The following SLC30A10 variants were observed in gnomAD, a reference collection of about 807,000 sequenced individuals.
SLC30A10 encodes calcium/manganese antiporter SLC30A10.
A neutral mutation model predicts 21.7 loss-of-function variants in SLC30A10; 8 were observed. The ratio of observed to expected loss-of-function variants is 0.37; its 90% confidence interval spans 0.22 to 0.67. The LOEUF (loss-of-function observed/expected upper bound fraction) is 0.67. SLC30A10 is among the 30% of genes least tolerant of loss of function. The pLI, the probability that SLC30A10 is intolerant of heterozygous loss-of-function variation, is 0.58. For missense variants in SLC30A10, 521 were observed against 642.5 expected, an observed-to-expected ratio of 0.81 and a Z score of 2.04; for synonymous variants, 272 against 279.4, an observed-to-expected ratio of 0.97 and a Z score of 0.26.
chr1:219,933,365 A>C (rs1659997278), upstream of SLC30A10, among the ~76,000 whole-genome samples: 1 of 152,222 alleles, frequency 6.6e-6, no homozygotes, highest in African/African-American at 2.4e-5. Context: ...CCAGACTCTA[A>C]ATAATTTTAA....
rs1489976246 is a variant in SLC30A10 at position 219,911,087 on chromosome 1, G to A, written c.*4362C>T. 5.7e-5 allele frequency among the ~76,000 whole-genome samples: 8 copies of A among 141,456 alleles called. No homozygotes were observed. Among genetic ancestry groups the A allele is most frequent in the African/African-American group, 1.6e-4 (6 of 37,962 alleles). 92.8% of individuals were successfully genotyped at this position (141,456 alleles called of 152,430 possible). A position where few individuals can be genotyped will look rare whatever the true frequency, so the allele number is the denominator to read the frequency against. ...CTTCTATAGAGCAGGCATGCAGTCCGCGATCATTCATCCAAACTCAAAATT... is the reference window on the plus strand; with the variant it reads ...CTTCTATAGAGCAGGCATGCAGTCCACGATCATTCATCCAAACTCAAAATT... On this transcript the variant is annotated 3_prime_UTR_variant, in exon 4 of 4. Coordinates refer to ENST00000366926, the MANE Select transcript of SLC30A10 (RefSeq NM_018713.3).
At chr1:219,929,954 T>C (rs1659941744), upstream of SLC30A10, among the ~76,000 whole-genome samples, 5 of 152,122 alleles carry the variant, frequency 3.3e-5, no homozygotes, top group Admixed American at 3.3e-4. Flanking sequence ...CTTCCTGCTG[T>C]GGAGGTTTGA....
At chr1:219,923,950 C>T (rs947556127) in intron 2 of SLC30A10, among the ~76,000 whole-genome samples, 1 of 152,194 alleles carries the variant, frequency 6.6e-6, no homozygotes, top group Admixed American at 6.5e-5. Flanking sequence ...GTAATCCCAG[C>T]TACTCTGTAG....
At chr1:219,938,025 T>G (rs1305684019) in intron 1 of SLC30A10, among the ~76,000 whole-genome samples, 1 of 152,212 alleles carries the variant, frequency 6.6e-6, no homozygotes, top group Non-Finnish European at 1.5e-5. Context: ...ATTATTATTT[T>G]TCTTCAATGT....
intron 2 of SLC30A10, among the ~76,000 whole-genome samples, chr1:219,919,813 G>C (rs932622170): frequency 1.3e-5 from 2 of 150,584 alleles, no homozygotes; most frequent in African/African-American, 4.9e-5. Context: ...TGATTGGAAT[G>C]CACATACAAG....
chr1:219,927,217 G>T, intron 1 of SLC30A10, 112 bp from the exon 2 acceptor site: 1 of 1,111,254 alleles, frequency 9.0e-7, no homozygotes, highest in Non-Finnish European at 1.3e-6. Context: ...TAGCTTAAGG[G>T]AGACCCTTCT....
intron 2 of SLC30A10, among the ~76,000 whole-genome samples, chr1:219,921,144 T>C (rs1659667503): frequency 1.3e-5 from 2 of 152,252 alleles, no homozygotes; most frequent in South Asian, 4.1e-4. Context: ...CCTGCTAAAT[T>C]TCTTTGTCTT....
At chr1:219,942,163 TG>T (rs1660131714) in intron 1 of SLC30A10, among the ~76,000 whole-genome samples, 1 of 152,124 alleles carries the variant, frequency 6.6e-6, no homozygotes, top group African/African-American at 2.4e-5. Flanking sequence ...TCAGAAAGTG[TG>T]GCAGAAAATA....
At chr1:219,933,060 TAA>T (rs66703618), upstream of SLC30A10, among the ~76,000 whole-genome samples, 65 of 142,498 alleles carry the variant, frequency 4.6e-4, no homozygotes, top group Non-Finnish European at 5.0e-4. Flanking sequence ...AAACTCCGTC[TAA>T]AAAAAAAAAA....
At position 219,928,161 on chromosome 1, in the gene SLC30A10, A is replaced by G. The variant is rs931668147; in HGVS notation, c.280T>C (p.Phe94Leu). ...SNAVFLTALC[F>L]TIFVEAVLRL... ...AGCACGGCCTCCACGAAGATGGTGA[A>G]GCAGAGCGCGGTGAGGAAGACCGCG... The change falls in exon 1 of 4, where the codon TTC (phenylalanine) becomes CTC (leucine). Residue 94 changes from phenylalanine (F) to leucine (L), a missense_variant. By Grantham distance (22) the Phe-to-Leu change is conservative. Transcript: ENST00000366926. This position sits in a 1 kb window ranked among gnomAD's most constrained non-coding sequence, Gnocchi z 6.3. The G allele has an allele frequency of 2.6e-6, 4 of 1,560,598 alleles. No homozygotes were observed. In the Admixed American group the frequency reaches 7.7e-5, roughly 30 times the overall value.
chr1:219,918,667 C>G lies in SLC30A10; in HGVS notation c.719-173G>C. On this transcript the variant is annotated intron_variant, in intron 2 of 3. Transcript: ENST00000366926. This position sits in a 1 kb window ranked among gnomAD's most constrained non-coding sequence, Gnocchi z 4.4. Reference sequence around the variant, plus strand: ...ATAATGGCAACTACTTCTTAGGAAACAAAACCCCAGGCCACCATCGCAGGA... The same window carrying G: ...ATAATGGCAACTACTTCTTAGGAAAGAAAACCCCAGGCCACCATCGCAGGA... The G allele has an allele frequency of 1.4e-6, 1 of 705,730 alleles. No homozygotes were observed. Among genetic ancestry groups the G allele is most frequent in the Non-Finnish European group, 2.2e-6 (1 of 462,110 alleles). The allele number at this position is 705,730 out of a possible 1,614,324, so 43.7% of individuals were successfully genotyped here. A position where few individuals can be genotyped will look rare whatever the true frequency, so the allele number is the denominator to read the frequency against.
intron 2 of SLC30A10, among the ~76,000 whole-genome samples, chr1:219,923,978 G>A (rs570703399): frequency 3.6e-4 from 55 of 152,264 alleles, no homozygotes; most frequent in African/African-American, 1.2e-3. Flanking sequence ...CAGGAGAATC[G>A]CTTGAGCCTG....
chr1:219,929,093 G>A (rs150314683), upstream of SLC30A10, among the ~76,000 whole-genome samples: 12 of 152,184 alleles, frequency 7.9e-5, no homozygotes, highest in Non-Finnish European at 1.8e-4. Context: ...GACCTCATCC[G>A]CCACTCAGCC....
chr1:219,918,105 C>A lies in SLC30A10; in HGVS notation c.958+150G>T, dbSNP rs1659589621. The A allele has an allele frequency of 2.8e-6, 3 of 1,055,686 alleles. No homozygotes were observed. The highest frequency in any genetic ancestry group is 2.5e-4 in the Middle Eastern group (1 of 4,036). The allele number at this position is 1,055,686 out of a possible 1,614,324, so 65.4% of individuals were successfully genotyped here. ...CTTGGAGCTGAGTCATCTTAATAGG[C>A]TATAAAACATATGATGACATCTCTA... On this transcript the variant is annotated intron_variant, in intron 3 of 3. Transcript: ENST00000366926. This position sits in a 1 kb window ranked among gnomAD's most constrained non-coding sequence, Gnocchi z 4.4.
At position 219,925,596 on chromosome 1, in the gene SLC30A10, G is replaced by T. The variant is rs185004097; in HGVS notation, c.718+1432C>A. On this transcript the variant is annotated intron_variant, in intron 2 of 3. Coordinates refer to ENST00000366926, the MANE Select transcript of SLC30A10 (RefSeq NM_018713.3). ...CTTTGAAAAGTTAAAGCCTCTGATG[G>T]TGAACTCCACCTTAAAATTTATGTG... is the stretch of plus-strand genomic sequence containing the variant. Among the ~76,000 whole-genome samples, 5 of 141,390 alleles carry T rather than the reference G, an allele frequency of 3.5e-5. No individual in the cohort carries two copies. The Admixed American group carries it at 3.7e-4, about 11-fold the overall frequency. The allele number at this position is 141,390 out of a possible 152,430, so 92.8% of individuals were successfully genotyped here.
At chr1:219,956,426 G>A (rs973333329) in intron 1 of SLC30A10, among the ~76,000 whole-genome samples, 2 of 148,840 alleles carry the variant, frequency 1.3e-5, no homozygotes, top group South Asian at 2.2e-4. Context: ...TGAGTCACAC[G>A]TGTATTGTAC....
chr1:219,928,356 C>T lies in SLC30A10; in HGVS notation c.85G>A (p.Gly29Ser), dbSNP rs1659900190. The change falls in exon 1 of 4, where the codon GGC becomes AGC. Residue 29 changes from glycine to serine, a missense_variant. Coordinates refer to ENST00000366926, the MANE Select transcript of SLC30A10 (RefSeq NM_018713.3). This position sits in a 1 kb window ranked among gnomAD's most constrained non-coding sequence, Gnocchi z 6.3. ...VAFFVAELVS[G>S]YLGNSIALLS... The stretch of plus-strand genomic sequence containing the variant: ...AGCGCGATGGAGTTGCCCAGGTAGC[C>T]GGAGACCAGCTCCGCCACGAAGAAG... 1.9e-6 allele frequency: 3 copies of T among 1,613,256 alleles called. No homozygotes were observed. Among genetic ancestry groups the T allele is most frequent in the Non-Finnish European group, 2.5e-6 (3 of 1,179,732 alleles).
intron 1 of SLC30A10, among the ~76,000 whole-genome samples, chr1:219,937,737 T>C (rs1571808659): frequency 1.3e-5 from 2 of 152,202 alleles, no homozygotes; most frequent in African/African-American, 2.4e-5. Context: ...CGCTTGAACC[T>C]GGAGGCGGAG....
rs1164535981 is a variant in SLC30A10, at chr1:219,925,632, C to CATATATATATATATATATATAT, written c.718+1395_718+1396insATATATATATATATATATATAT. Among the ~76,000 whole-genome samples the CATATATATATATATATATATAT allele has an allele frequency of 1.7e-3, 117 of 68,870 alleles. 3 individuals are homozygous for CATATATATATATATATATATAT. Among genetic ancestry groups the CATATATATATATATATATATAT allele is most frequent in the East Asian group, 8.5e-3 (13 of 1,524 alleles). The allele number at this position is 68,870 out of a possible 152,430, so 45.2% of individuals were successfully genotyped here. A position where few individuals can be genotyped will look rare whatever the true frequency, so the allele number is the denominator to read the frequency against. Reference sequence around the variant, plus strand: ...CTTAAAATTTATGTGTGTGTGTGTACATATATATATATATATATATTTTTT... The same window carrying CATATATATATATATATATATAT: ...CTTAAAATTTATGTGTGTGTGTGTACATATATATATATATATATATATATATATATATATATATATATTTTTT... On this transcript the variant is annotated intron_variant, in intron 2 of 3. Transcript: ENST00000366926.
Sources: allele counts gnomAD v4.1 joint callset (sites outside exome capture counted in the v4.1 genomes callset), GRCh38; gene constraint gnomAD v4.1.1; non-coding constraint Gnocchi (gnomAD v3.1); transcripts MANE v1.5; gene names NCBI Gene and HGNC (gene_info 2026-07-23, HGNC 2026-07-21).